EXTL3: variants seen among roughly 807,000 people sequenced by gnomAD.
EXTL3 encodes the protein exostosin-like 3.
EXTL3 carries 27 observed loss-of-function variants against 69.3 expected under a neutral mutation model. The ratio of observed to expected loss-of-function variants is 0.39; its 90% CI spans 0.29 to 0.54. The LOEUF (loss-of-function observed/expected upper bound fraction) is 0.54, where lower values mean the gene tolerates loss of function less well. EXTL3 is among the 20% of genes least tolerant of loss of function. EXTL3 has a pLI of 0.69. For missense variants in EXTL3, 1,003 were observed against 1,231.8 expected (o/e 0.81, Z 2.78); for synonymous variants, 511 against 499.4 (o/e 1.02, Z -0.31).
intron 1 of EXTL3, among the ~76,000 whole-genome samples, chr8:28,642,888 T>A (rs1032032495): frequency 2.0e-5 from 3 of 152,134 alleles, no homozygotes; most frequent in Non-Finnish European, 4.4e-5. Context: ...AAAATGACTT[T>A]TATATAAATG....
chr8:28,638,346 C>G (rs1016693223), intron 1 of EXTL3, among the ~76,000 whole-genome samples: 8 of 152,208 alleles, frequency 5.3e-5, no homozygotes, highest in African/African-American at 1.9e-4. Context: ...CCAACGAACC[C>G]TATGACAAAG....
rs71549687 is a variant in EXTL3, at chr8:28,668,324, CTTTTTTTTTTTT to C, written c.-52-45119_-52-45108del. Among the ~76,000 whole-genome samples, 146 of 82,556 alleles carry C rather than the reference CTTTTTTTTTTTT, an allele frequency of 1.8e-3. 3 individuals carry two copies. The highest frequency in any genetic ancestry group is 0.025 in the Middle Eastern group (2 of 80). 54.2% of individuals were successfully genotyped at this position (82,556 alleles called of 152,430 possible). A position where few individuals can be genotyped will look rare whatever the true frequency, so the allele number is the denominator to read the frequency against. On this transcript the variant is annotated intron_variant, in intron 1 of 6. Coordinates refer to the EXTL3 transcript ENST00000523149. ...GAATACTTTCTTTCCAGAGTTGTTA[CTTTTTTTTTTTT>C]TTTTTTTTTTTTTGAGACAGAGTCT...
chr8:28,633,321 G>C (rs1314855879), intron 1 of EXTL3, among the ~76,000 whole-genome samples: 1 of 152,044 alleles, frequency 6.6e-6, no homozygotes, highest in Admixed American at 6.6e-5. Context: ...CTAGGCATCA[G>C]AATGAGACCC....
intron 6 of EXTL3, 94 bp downstream of exon 6, chr8:28,743,308 G>A: frequency 7.2e-7 from 1 of 1,386,200 alleles, no homozygotes; most frequent in African/African-American, 1.4e-5. Context: ...GTACCTCAGA[G>A]TCCTCATTTG....
At chr8:28,709,770 G>C (rs944438383) in intron 1 of EXTL3, among the ~76,000 whole-genome samples, 1 of 152,188 alleles carries the variant, frequency 6.6e-6, no homozygotes, top group African/African-American at 2.4e-5. Flanking sequence ...TGTTCCTGCA[G>C]ATAATCGCAG....
chr8:28,706,861 C>T (rs184930666), intron 1 of EXTL3, among the ~76,000 whole-genome samples: 1 of 151,744 alleles, frequency 6.6e-6, no homozygotes, highest in East Asian at 1.9e-4. Flanking sequence ...CTTCTGAATA[C>T]ATAGAATCAT....
chr8:28,742,616 C>T (rs1412102506), intron 5 of EXTL3: 5 of 222,584 alleles, frequency 2.2e-5, no homozygotes, highest in East Asian at 1.2e-4. Context: ...GGGCCGATGG[C>T]GAGTACTGAC....
chr8:28,740,911 CTG>C (rs1044540030), intron 5 of EXTL3: 3 of 152,048 alleles, frequency 2.0e-5, no homozygotes, highest in African/African-American at 7.2e-5. Flanking sequence ...TGATTGGATA[CTG>C]TGTGTTATAG....
intron 1 of EXTL3, among the ~76,000 whole-genome samples, chr8:28,679,344 G>T (rs1807441901): frequency 6.6e-6 from 1 of 152,180 alleles, no homozygotes; most frequent in Non-Finnish European, 1.5e-5. Context: ...TACTCGGGAG[G>T]CTAAGGCGGG....
intron 1 of EXTL3, among the ~76,000 whole-genome samples, chr8:28,667,319 C>T (rs1807212526): frequency 6.6e-6 from 1 of 152,154 alleles, no homozygotes; most frequent in African/African-American, 2.4e-5. Flanking sequence ...GGGATTCTTG[C>T]AGAACCAGAT....
At position 28,714,295 on chromosome 8, in the gene EXTL3, T is replaced by C. The variant is rs373091657; in HGVS notation, c.-476+745T>C. ...ATGTTACGATGAAATAAAATGTTAC[T>C]TGAAAAAATGTTAGAATGTTTAAAG... On this transcript the variant is annotated intron_variant, in intron 2 of 6. Transcript: ENST00000220562. Among the ~76,000 whole-genome samples the C allele has an allele frequency of 1.4e-4, 22 of 152,324 alleles. 1 individual carries two copies. Among genetic ancestry groups the C allele is most frequent in the African/African-American group, 5.3e-4 (22 of 41,568 alleles).
At chr8:28,722,397 C>G (rs1410499335) in intron 3 of EXTL3, among the ~76,000 whole-genome samples, 1 of 152,124 alleles carries the variant, frequency 6.6e-6, no homozygotes, top group Non-Finnish European at 1.5e-5. Context: ...AGAACCAGTT[C>G]AGAGATCAGC....
In EXTL3 at chr8:28,731,970, A is replaced by T. The variant is rs541983168; in HGVS notation, c.2276+620A>T. ...CCTAGGACTTTGTCTTATCTCATTC[A>T]TCCTTCTAAAATTTGATGACATAAA... On this transcript the variant is annotated intron_variant, in intron 4 of 6. Coordinates refer to ENST00000220562, the MANE Select transcript of EXTL3 (RefSeq NM_001440.4). 3.3e-5 allele frequency among the ~76,000 whole-genome samples: 5 copies of T among 152,294 alleles called. No individual in the cohort carries two copies. The South Asian group carries it at 1.0e-3, about 32-fold the overall frequency.
Position 28,737,248 on chromosome 8 carries a change from T to G in EXTL3, c.2277-271T>G, listed in dbSNP as rs552616368. Reference sequence around the variant, plus strand: ...ACATACCCCATTCTGGAGATCCCCTTTCCAAACTTAGGGCTTATTCTTTCT... The same window carrying G: ...ACATACCCCATTCTGGAGATCCCCTGTCCAAACTTAGGGCTTATTCTTTCT... On this transcript the variant is annotated intron_variant, in intron 4 of 6. Transcript: ENST00000220562. 4.6e-5 allele frequency among the ~76,000 whole-genome samples: 7 copies of G among 152,352 alleles called. No individual in the cohort carries two copies. The East Asian group carries it at 1.3e-3, about 29-fold the overall frequency.
At chr8:28,648,828 A>G (rs967914803) in intron 1 of EXTL3, among the ~76,000 whole-genome samples, 2 of 150,516 alleles carry the variant, frequency 1.3e-5, no homozygotes, top group Non-Finnish European at 3.0e-5. Context: ...GGATCCTCCC[A>G]CCTCAGCATC....
At chr8:28,693,628 C>T (rs115480371) in intron 1 of EXTL3, among the ~76,000 whole-genome samples, 1,902 of 152,202 alleles carry the variant, frequency 0.012, 41 homozygotes, top group African/African-American at 0.043. Context: ...TCAGTGTTGC[C>T]ACAAATTATC....
At chr8:28,685,490 T>G (rs1807562724) in intron 1 of EXTL3, among the ~76,000 whole-genome samples, 1 of 151,972 alleles carries the variant, frequency 6.6e-6, no homozygotes, top group African/African-American at 2.4e-5. Flanking sequence ...AGGCTAGTTG[T>G]TTGGCCCTGT....
At chr8:28,703,159 G>A (rs1800848053) in intron 1 of EXTL3, among the ~76,000 whole-genome samples, 2 of 152,202 alleles carry the variant, frequency 1.3e-5, no homozygotes, top group Admixed American at 6.5e-5. Flanking sequence ...AGAGAATCGA[G>A]CCTAAGTGCT....
chr8:28,683,894 T>C (rs968723949), intron 1 of EXTL3, among the ~76,000 whole-genome samples: 3 of 152,168 alleles, frequency 2.0e-5, no homozygotes, highest in Admixed American at 6.5e-5. Flanking sequence ...AACTATATTT[T>C]TGTGCCCATT....
Sources: gnomAD v4.1 joint callset for allele counts (sites outside exome capture counted in the v4.1 genomes callset) on GRCh38, gnomAD v4.1.1 for gene constraint, MANE v1.5 for transcripts, NCBI Gene and HGNC (gene_info 2026-07-23, HGNC 2026-07-21) for gene names.